The following MGAT4C variants were observed in gnomAD, a reference collection of about 807,000 sequenced individuals.
The protein encoded by MGAT4C is MGAT4 family member C.
In MGAT4C, 19 loss-of-function variants were observed where a neutral mutation model predicts 40.1. The ratio of observed to expected loss-of-function variants is 0.47; its 90% CI spans 0.33 to 0.70. The LOEUF (loss-of-function observed/expected upper bound fraction) is 0.70. Among genes scored for constraint, MGAT4C ranks in the 30% least tolerant of loss-of-function variants. The pLI is 0.02. For synonymous variants in MGAT4C, 181 were observed against 187.1 expected (o/e 0.97, Z 0.27); for missense variants, 491 against 563.2 (o/e 0.87, Z 1.30).
intron 2 of MGAT4C, among the ~76,000 whole-genome samples, chr12:86,573,458 T>G (rs2136424621): frequency 6.6e-6 from 1 of 152,172 alleles, no homozygotes; most frequent in South Asian, 2.1e-4. Flanking sequence ...TCTTTTCATT[T>G]TATAAACTCC....
intron 2 of MGAT4C, among the ~76,000 whole-genome samples, chr12:86,476,959 A>T (rs1050764613): frequency 1.1e-4 from 17 of 152,066 alleles, no homozygotes; most frequent in African/African-American, 3.9e-4. Flanking sequence ...CATGGACTGA[A>T]AAACTACCTA....
intron 2 of MGAT4C, among the ~76,000 whole-genome samples, chr12:86,443,067 G>T (rs112975680): frequency 0.026 from 3,930 of 152,188 alleles, 83 homozygotes; most frequent in Non-Finnish European, 0.036. Flanking sequence ...ACTATAATAT[G>T]CACTGGGAAA....
chr12:85,965,958 G>A lies in MGAT4C; in HGVS notation c.*13331C>T, dbSNP rs1212434851. On this transcript the variant is annotated 3_prime_UTR_variant, in exon 5 of 5. Coordinates refer to ENST00000611864, the MANE Select transcript of MGAT4C (RefSeq NM_001351288.2). ...GAAAGAGATGGCCCAGGATACAGAG[G>A]GCACTCCTTAAATAGCTGCCAAATA... is the stretch of plus-strand genomic sequence containing the variant. The A allele has an allele frequency of 2.0e-5, 3 of 151,914 alleles. No homozygotes were observed. The highest frequency in any genetic ancestry group is 1.3e-4 in the Admixed American group (2 of 15,234). 9.4% of individuals were successfully genotyped at this position (151,914 alleles called of 1,614,324 possible). A position where few individuals can be genotyped will look rare whatever the true frequency, so the allele number is the denominator to read the frequency against.
intron 2 of MGAT4C, among the ~76,000 whole-genome samples, chr12:86,438,382 T>G (rs1381596513): frequency 6.6e-6 from 1 of 151,936 alleles, no homozygotes; most frequent in Non-Finnish European, 1.5e-5. Flanking sequence ...TAAGGAATGA[T>G]GCCCTCTGTA....
At chr12:86,337,842 C>T (rs995757631) in intron 3 of MGAT4C, among the ~76,000 whole-genome samples, 1 of 152,106 alleles carries the variant, frequency 6.6e-6, no homozygotes, top group East Asian at 1.9e-4. Context: ...ATAAAATTAT[C>T]CTTGTTTGGA....
intron 2 of MGAT4C, among the ~76,000 whole-genome samples, chr12:86,445,142 A>G (rs924168705): frequency 1.3e-5 from 2 of 152,146 alleles, no homozygotes; most frequent in African/African-American, 4.8e-5. Context: ...ACACGTGTCT[A>G]CACTTATCAA....
intron 1 of MGAT4C, among the ~76,000 whole-genome samples, chr12:86,253,211 T>C (rs905095890): frequency 2.0e-5 from 3 of 151,830 alleles, no homozygotes; most frequent in Non-Finnish European, 2.9e-5. Flanking sequence ...AAAAATAATA[T>C]GTGCAACAAC....
chr12:86,450,453 G>A (rs933977530), intron 2 of MGAT4C, among the ~76,000 whole-genome samples: 1 of 151,854 alleles, frequency 6.6e-6, no homozygotes, highest in Non-Finnish European at 1.5e-5. Flanking sequence ...CTCATTCTGT[G>A]GTTTTGAGTT....
At chr12:86,661,537 TG>T (rs1431981748) in intron 2 of MGAT4C, among the ~76,000 whole-genome samples, 2 of 152,130 alleles carry the variant, frequency 1.3e-5, no homozygotes, top group Non-Finnish European at 2.9e-5. Context: ...AATTTTTTAA[TG>T]AGAATAGAAA....
rs1414316018 is a variant in MGAT4C, at chr12:85,974,041, A to G, written c.*5248T>C. ...GAAAGTGCAACCTTGTTATCTTAAT[A>G]TTTTTATAGCTTAGAAAGAGAATGC... On this transcript the variant is annotated 3_prime_UTR_variant, in exon 5 of 5. Transcript: ENST00000611864. 6 of 150,872 alleles carry G rather than the reference A, an allele frequency of 4.0e-5. No individual in the cohort carries two copies. The highest frequency in any genetic ancestry group is 6.0e-5 in the Non-Finnish European group (4 of 67,086). The allele number at this position is 150,872 out of a possible 1,614,324, so 9.3% of individuals were successfully genotyped here.
chr12:85,967,742 A>G lies in MGAT4C; in HGVS notation c.*11547T>C, dbSNP rs964746613. On this transcript the variant is annotated 3_prime_UTR_variant, in exon 5 of 5. Transcript: ENST00000611864. ...TAATTAAATGGACATGTTTCTCTTT[A>G]GCCAGAAATGACTGAGAAATTTTGA... is the stretch of plus-strand genomic sequence containing the variant. 15 of 152,144 alleles carry G rather than the reference A, an allele frequency of 9.9e-5. No homozygotes were observed. Among genetic ancestry groups the G allele is most frequent in the Admixed American group, 9.8e-4 (15 of 15,256 alleles). The allele number at this position is 152,144 out of a possible 1,614,324, so 9.4% of individuals were successfully genotyped here. A position where few individuals can be genotyped will look rare whatever the true frequency, so the allele number is the denominator to read the frequency against.
chr12:85,979,775 T>C lies in MGAT4C; in HGVS notation c.951A>G (p.Ser317=), dbSNP rs749990047. 1.2e-6 allele frequency: 2 copies of C among 1,613,664 alleles called. No homozygotes were observed. Among genetic ancestry groups the C allele is most frequent in the Non-Finnish European group, 1.7e-6 (2 of 1,179,806 alleles). Residue 317 remains serine (S), a synonymous_variant, in exon 5 of 5, where the codon TCA becomes TCG. Transcript: ENST00000611864. ...SLFQHMGYYS[S]YKGTENKLKD... is the part of the protein sequence containing the mutation. ...TCAGCTTATTCTCCGTCCCTTTGTA[T>C]GATGAATAATAGCCCATGTGCTGAA...
At chr12:86,274,850 T>G (rs1205497805) in intron 4 of MGAT4C, among the ~76,000 whole-genome samples, 1 of 152,138 alleles carries the variant, frequency 6.6e-6, no homozygotes, top group Non-Finnish European at 1.5e-5. Context: ...TGCCTAAGAG[T>G]TAACACCATT....
chr12:86,385,580 G>T (rs547259834), intron 3 of MGAT4C, among the ~76,000 whole-genome samples: 1 of 152,328 alleles, frequency 6.6e-6, no homozygotes, highest in Admixed American at 6.5e-5. Context: ...ATGACCTTTT[G>T]TGGTCCAAGC....
chr12:86,560,994 C>T (rs1416739157), intron 2 of MGAT4C, among the ~76,000 whole-genome samples: 1 of 152,036 alleles, frequency 6.6e-6, no homozygotes, highest in East Asian at 1.9e-4. Context: ...AGTAGCATTT[C>T]TATACACCAA....
chr12:86,315,520 G>C (rs1449794354), intron 4 of MGAT4C, among the ~76,000 whole-genome samples: 1 of 146,580 alleles, frequency 6.8e-6, no homozygotes, highest in African/African-American at 2.6e-5. Context: ...GGCTAACACG[G>C]TGAAACCCCG....
chr12:86,800,195 T>A (rs1414255612), intron 1 of MGAT4C, among the ~76,000 whole-genome samples: 1 of 151,904 alleles, frequency 6.6e-6, no homozygotes, highest in Non-Finnish European at 1.5e-5. Flanking sequence ...CTCCTTTTCC[T>A]GAGCCTCTGG....
chr12:86,171,365 A>G (rs996107707), intron 1 of MGAT4C, among the ~76,000 whole-genome samples: 2 of 152,078 alleles, frequency 1.3e-5, no homozygotes, highest in Admixed American at 1.3e-4. Flanking sequence ...GTGAAATTCC[A>G]TCTCAAAAAA....
intron 3 of MGAT4C, among the ~76,000 whole-genome samples, chr12:86,388,463 A>C (rs1327758727): frequency 6.6e-6 from 1 of 152,082 alleles, no homozygotes; most frequent in African/African-American, 2.4e-5. Context: ...ACAATGAAGA[A>C]ATATTTTGAA....
Sources: allele counts gnomAD v4.1 joint callset (sites outside exome capture counted in the v4.1 genomes callset), GRCh38; gene constraint gnomAD v4.1.1; transcripts MANE v1.5; gene names NCBI Gene and HGNC (gene_info 2026-07-23, HGNC 2026-07-21).